ABCA13: variants seen among roughly 807,000 people sequenced by gnomAD.
ABCA13 encodes the protein ATP-binding cassette sub-family A member 13.
A neutral mutation model predicts 478.7 loss-of-function variants in ABCA13; 476 were observed. The observed-to-expected ratio is 0.99, with a 90% CI of 0.92 to 1.07. The LOEUF is 1.07. ABCA13 is among the 50% of genes least tolerant of loss of function. The pLI, the probability that ABCA13 is intolerant of heterozygous loss-of-function variation, is 0.00. For missense variants in ABCA13, 6,060 were observed against 5,910.6 expected, an observed-to-expected ratio of 1.03 and a Z score of -0.83; for synonymous variants, 2,252 against 2,158.9, an observed-to-expected ratio of 1.04 and a Z score of -1.20.
chr7:48,476,315 C>T (rs1032836203), intron 45 of ABCA13, among the ~76,000 whole-genome samples: 1 of 152,132 alleles, frequency 6.6e-6, no homozygotes, highest in Non-Finnish European at 1.5e-5. Flanking sequence ...CTCACAGTGG[C>T]ACAGGTTGTA....
chr7:48,246,272 T>C (rs1224200191), intron 13 of ABCA13, among the ~76,000 whole-genome samples: 1 of 152,170 alleles, frequency 6.6e-6, no homozygotes, highest in African/African-American at 2.4e-5. Flanking sequence ...TTTCAAAACA[T>C]ACCACTTCTT....
chr7:48,533,579 A>G (rs1175078496), intron 55 of ABCA13, among the ~76,000 whole-genome samples: 2 of 152,154 alleles, frequency 1.3e-5, no homozygotes, highest in East Asian at 3.9e-4. Context: ...TGACTAGTGC[A>G]GACAGTGGAG....
chr7:48,243,877 T>G (rs1315057270), intron 10 of ABCA13, among the ~76,000 whole-genome samples: 1 of 152,254 alleles, frequency 6.6e-6, no homozygotes, highest in East Asian at 1.9e-4. Context: ...GAGGATTCCA[T>G]GCAGTTGCTC....
intron 41 of ABCA13, among the ~76,000 whole-genome samples, chr7:48,419,880 A>G (rs770676868): frequency 6.6e-6 from 1 of 152,360 alleles, no homozygotes; most frequent in South Asian, 2.1e-4. Context: ...TATACAATGT[A>G]TATGAGATCT....
intron 41 of ABCA13, among the ~76,000 whole-genome samples, chr7:48,416,069 A>G (rs1241381124): frequency 6.6e-6 from 1 of 152,204 alleles, no homozygotes; most frequent in East Asian, 1.9e-4. Flanking sequence ...CACAGGAGTA[A>G]GAAAGTGTCA....
intron 55 of ABCA13, among the ~76,000 whole-genome samples, chr7:48,576,894 C>G (rs536907237): frequency 6.6e-6 from 1 of 152,096 alleles, no homozygotes; most frequent in Non-Finnish European, 1.5e-5. Context: ...TGTCAAACCA[C>G]AATGGAATTA....
chr7:48,193,049 A>G lies in ABCA13; in HGVS notation c.160A>G (p.Ile54Val). ...RFQEPPRYRD[I>V]CYLQPRDLPS... ...TCAAGAACCTCCCAGATACAGAGACATTTGTAAGTTTCACTTTTTAATATA... is the reference window on the plus strand; with the variant it reads ...TCAAGAACCTCCCAGATACAGAGACGTTTGTAAGTTTCACTTTTTAATATA... The change falls in exon 2 of 62, where the codon ATT becomes GTT. Residue 54 changes from isoleucine (I) to valine (V), a missense_variant. Around this residue, in one of 3 missense-constraint regions of ABCA13, gnomAD observed 4,423 missense variants for 4,309.1 expected, o/e 1.03. Coordinates refer to ENST00000435803, the MANE Select transcript of ABCA13 (RefSeq NM_152701.5). The G allele has an allele frequency of 6.5e-7, 1 of 1,530,764 alleles. No homozygotes were observed. Among genetic ancestry groups the G allele is most frequent in the Non-Finnish European group, 8.7e-7 (1 of 1,143,596 alleles). 94.8% of individuals were successfully genotyped at this position (1,530,764 alleles called of 1,614,324 possible).
At chr7:48,287,835 TTGA>T (rs1392711989) in intron 19 of ABCA13, 122 bp from the exon 20 acceptor site, 2 of 707,300 alleles carry the variant, frequency 2.8e-6, no homozygotes, top group African/African-American at 1.8e-5. Flanking sequence ...AATGTTCATC[TTGA>T]TGATTTAAGA....
At chr7:48,211,342 C>T (rs1342292275) in intron 3 of ABCA13, among the ~76,000 whole-genome samples, 1 of 152,222 alleles carries the variant, frequency 6.6e-6, no homozygotes, top group East Asian at 1.9e-4. Context: ...CTGTTTCATT[C>T]CTAAGCCCAA....
intron 19 of ABCA13, among the ~76,000 whole-genome samples, chr7:48,285,579 C>A (rs775673789): frequency 3.9e-5 from 6 of 152,222 alleles, no homozygotes; most frequent in Admixed American, 3.9e-4. Context: ...CCTAACCTTG[C>A]AGGAATGCTG....
rs775964067 is a variant in ABCA13 at position 48,388,105 on chromosome 7, C to T, written c.11473+146C>T. 112 of 818,124 alleles carry T rather than the reference C, an allele frequency of 1.4e-4. 1 individual carries two copies. Among genetic ancestry groups the T allele is most frequent in the Middle Eastern group, 3.8e-4 (1 of 2,626 alleles). 50.7% of individuals were successfully genotyped at this position (818,124 alleles called of 1,614,324 possible). ...ATTTAGGCTGTCTTGGGCTGGGAAA[C>T]AGCTGCAAGCCCAAGATGTGGGAAA... On this transcript the variant is annotated intron_variant, in intron 36 of 61. Coordinates refer to ENST00000435803, the MANE Select transcript of ABCA13 (RefSeq NM_152701.5).
chr7:48,252,495 A>G (rs905078971), intron 15 of ABCA13, among the ~76,000 whole-genome samples: 5 of 152,198 alleles, frequency 3.3e-5, no homozygotes, highest in African/African-American at 1.2e-4. Context: ...TTCCTAGGCC[A>G]CAAACATATA....
At chr7:48,531,873 A>G (rs1833262752) in intron 55 of ABCA13, among the ~76,000 whole-genome samples, 2 of 149,926 alleles carry the variant, frequency 1.3e-5, no homozygotes, top group Non-Finnish European at 3.0e-5. Flanking sequence ...TGCTGAATTT[A>G]TTTACTAGTT....
chr7:48,543,354 T>G (rs1384235402), intron 55 of ABCA13, among the ~76,000 whole-genome samples: 1 of 151,844 alleles, frequency 6.6e-6, no homozygotes, highest in African/African-American at 2.4e-5. Context: ...CTGGGCACGG[T>G]GGCTCACGCC....
intron 35 of ABCA13, among the ~76,000 whole-genome samples, chr7:48,380,404 T>C (rs914826037): frequency 6.6e-6 from 1 of 152,212 alleles, no homozygotes; most frequent in African/African-American, 2.4e-5. Flanking sequence ...TCACTATTGA[T>C]GGCGTTGTTT....
chr7:48,613,657 T>C (rs1792251154), intron 58 of ABCA13, among the ~76,000 whole-genome samples: 1 of 151,162 alleles, frequency 6.6e-6, no homozygotes, highest in Admixed American at 6.7e-5. Context: ...ATTACTGAAT[T>C]GCAATTATTT....
Position 48,520,251 on chromosome 7 carries a change from C to G in ABCA13, c.14008C>G (p.Leu4670Val). ...QLASQGTVLL[L>V]LRVLLHWDLL... is the part of the protein sequence containing the mutation. ...GGCCTCGCAGGGCACAGTACTTCTC[C>G]TCTTGAGGGTTCTGCTACACTGGGA... The change falls in exon 53 of 62, where the codon CTC becomes GTC. Residue 4670 changes from leucine to valine, a missense_variant. By Grantham distance (32) the Leu-to-Val change is conservative. Transcript: ENST00000435803. The G allele has an allele frequency of 6.2e-7, 1 of 1,613,432 alleles. No individual in the cohort carries two copies. Among genetic ancestry groups the G allele is most frequent in the Non-Finnish European group, 8.5e-7 (1 of 1,179,654 alleles).
At chr7:48,628,800 TTAA>T (rs1348776080) in intron 59 of ABCA13, among the ~76,000 whole-genome samples, 1 of 152,216 alleles carries the variant, frequency 6.6e-6, no homozygotes, top group Non-Finnish European at 1.5e-5. Context: ...AATGAATGTA[TTAA>T]TAATGAATGT....
chr7:48,516,917 C>T (rs745625376), intron 52 of ABCA13, 36 bp downstream of exon 52: 3 of 1,598,914 alleles, frequency 1.9e-6, no homozygotes, highest in South Asian at 2.3e-5. Flanking sequence ...TACACTTCTG[C>T]ACCTCTAGTG....
Sources: gnomAD v4.1 joint callset for allele counts (sites outside exome capture counted in the v4.1 genomes callset) on GRCh38, gnomAD v4.1.1 for gene constraint, gnomAD v4.1.1 regional missense constraint, MANE v1.5 for transcripts, NCBI Gene and HGNC (gene_info 2026-07-23, HGNC 2026-07-21) for gene names.